THSD7B: variants seen among roughly 807,000 people sequenced by gnomAD.
The protein encoded by THSD7B is thrombospondin type-1 domain-containing protein 7B.
In THSD7B, 138 loss-of-function variants were observed where a neutral mutation model predicts 213.6. The ratio of observed to expected loss-of-function variants is 0.65; its 90% CI spans 0.56 to 0.74. THSD7B has a LOEUF of 0.74. Among genes scored for constraint, THSD7B ranks in the 30% least tolerant of loss-of-function variants. The pLI is 0.00. For missense variants in THSD7B, 1,931 were observed against 1,991.5 expected (o/e 0.97, Z 0.58); for synonymous variants, 742 against 687.0 (o/e 1.08, Z -1.25).
intron 12 of THSD7B, among the ~76,000 whole-genome samples, chr2:137,304,796 A>G (rs537419942): frequency 2.2e-4 from 34 of 152,186 alleles, no homozygotes; most frequent in South Asian, 2.1e-4. Context: ...TTAACAAAAC[A>G]TGATATATAG....
At chr2:137,671,412 GAAGA>G (rs1683574442) in intron 27 of THSD7B, among the ~76,000 whole-genome samples, 2 of 152,062 alleles carry the variant, frequency 1.3e-5, no homozygotes, top group South Asian at 4.1e-4. Flanking sequence ...CTACTATGAA[GAAGA>G]AATAGCCAAG....
intron 20 of THSD7B, among the ~76,000 whole-genome samples, chr2:137,636,915 T>G (rs1682843918): frequency 6.6e-6 from 1 of 152,210 alleles, no homozygotes; most frequent in African/African-American, 2.4e-5. Flanking sequence ...CTCAAACTCT[T>G]GAACTCAAGT....
intron 2 of THSD7B, among the ~76,000 whole-genome samples, chr2:137,025,557 C>T (rs1174637443): frequency 6.6e-6 from 1 of 152,124 alleles, no homozygotes; most frequent in African/African-American, 2.4e-5. Flanking sequence ...TTTGCACACA[C>T]TCAAAGTTGG....
chr2:137,123,555 G>C (rs1688579919), intron 5 of THSD7B, among the ~76,000 whole-genome samples: 1 of 152,102 alleles, frequency 6.6e-6, no homozygotes, highest in Non-Finnish European at 1.5e-5. Context: ...TCCTGGCCTG[G>C]AACCTCCTGA....
At chr2:137,656,619 A>G (rs1276075597) in intron 22 of THSD7B, among the ~76,000 whole-genome samples, 177 bp from the exon 23 acceptor site, 3 of 152,266 alleles carry the variant, frequency 2.0e-5, no homozygotes, top group African/African-American at 7.2e-5. Flanking sequence ...AGATTAAACT[A>G]TAAATTACTT....
At chr2:137,279,983 G>C (rs1024537109) in intron 12 of THSD7B, among the ~76,000 whole-genome samples, 14 of 152,128 alleles carry the variant, frequency 9.2e-5, no homozygotes, top group Non-Finnish European at 1.5e-5. Context: ...GCCGGCTTGA[G>C]GTTACACATT....
At chr2:136,771,085 T>C (rs1417490968) in intron 1 of THSD7B, among the ~76,000 whole-genome samples, 1 of 152,216 alleles carries the variant, frequency 6.6e-6, no homozygotes, top group African/African-American at 2.4e-5. Flanking sequence ...TGGGAGTAGT[T>C]CAACAAGGCT....
In THSD7B at chr2:137,275,933, C is replaced by A; in HGVS notation, c.2407C>A (p.Gln803Lys). The A allele has an allele frequency of 6.2e-7, 1 of 1,610,914 alleles. No individual in the cohort carries two copies. ...TTTTGGTAATCACAGGTGGAAGCCA[C>A]AGAAATGGAGCCCTTGCATCTTAGT... Reference protein sequence around the residue: ...SLCPVYRWKPQKWSPCILVPE... With the variant: ...SLCPVYRWKPKKWSPCILVPE... The change falls in exon 12 of 28, where the codon CAG (glutamine) becomes AAG (lysine). Residue 803 changes from glutamine (Q) to lysine (K), a missense_variant. By Grantham distance (53) the Gln-to-Lys change is moderately conservative. Coordinates refer to ENST00000409968, the MANE Select transcript of THSD7B (RefSeq NM_001316349.2).
At chr2:137,058,162 T>G (rs1379793916) in intron 3 of THSD7B, among the ~76,000 whole-genome samples, 1 of 150,412 alleles carries the variant, frequency 6.6e-6, no homozygotes, top group Admixed American at 6.6e-5. Context: ...CAAAGTAATG[T>G]GATGATTGTT....
At chr2:137,476,578 C>T (rs1043174527) in intron 15 of THSD7B, among the ~76,000 whole-genome samples, 2 of 152,068 alleles carry the variant, frequency 1.3e-5, no homozygotes, top group Non-Finnish European at 1.5e-5. Context: ...AAAAGGGTGT[C>T]CTTTCCCCAG....
chr2:136,938,787 C>G (rs1415541037), intron 2 of THSD7B, among the ~76,000 whole-genome samples: 1 of 152,110 alleles, frequency 6.6e-6, no homozygotes, highest in Non-Finnish European at 1.5e-5. Context: ...GATGATGCCC[C>G]CATTGTGTCC....
At chr2:137,155,725 A>G (rs882374) in intron 5 of THSD7B, among the ~76,000 whole-genome samples, 106,587 of 152,092 alleles carry the variant, frequency 0.7, 37,769 homozygotes, top group Non-Finnish European at 0.76. Context: ...AAAAGACTGG[A>G]GTTTTGCAGT....
chr2:137,097,467 C>A (rs1688060090), intron 4 of THSD7B, among the ~76,000 whole-genome samples: 1 of 152,070 alleles, frequency 6.6e-6, no homozygotes, highest in African/African-American at 2.4e-5. Flanking sequence ...AAGATTCAAG[C>A]ACAAATTTAC....
At chr2:137,334,198 CTCTT>C (rs766130609) in intron 12 of THSD7B, among the ~76,000 whole-genome samples, 30 of 145,982 alleles carry the variant, frequency 2.1e-4, no homozygotes, top group African/African-American at 4.5e-4. Flanking sequence ...CTCTCTCTCT[CTCTT>C]TCTCTCTTTC....
At chr2:137,364,993 C>T (rs1279377053) in intron 12 of THSD7B, among the ~76,000 whole-genome samples, 4 of 152,072 alleles carry the variant, frequency 2.6e-5, no homozygotes, top group East Asian at 1.9e-4. Flanking sequence ...TCAAACTATA[C>T]TACAATGCTA....
At chr2:136,887,030 C>G (rs1028238137) in intron 2 of THSD7B, among the ~76,000 whole-genome samples, 2 of 152,056 alleles carry the variant, frequency 1.3e-5, no homozygotes, top group Non-Finnish European at 2.9e-5. Context: ...GGATAAAATT[C>G]TAATATATTT....
At chr2:137,275,778 A>G (rs1349256266) in intron 11 of THSD7B, 145 bp from the exon 12 acceptor site, 15 of 584,046 alleles carry the variant, frequency 2.6e-5, no homozygotes, top group Non-Finnish European at 8.9e-6. Context: ...AGTGCTTGCC[A>G]AGGCTTGGTT....
intron 20 of THSD7B, among the ~76,000 whole-genome samples, chr2:137,627,696 C>T (rs935131685): frequency 6.6e-6 from 1 of 152,104 alleles, no homozygotes; most frequent in South Asian, 2.1e-4. Context: ...AGCCAGGGTA[C>T]ATATTAGGAA....
In THSD7B at chr2:136,849,261, G is replaced by A. The variant is rs1207132558; in HGVS notation, c.-35-32883G>A. On this transcript the variant is annotated intron_variant, in intron 1 of 27. Transcript: ENST00000409968. ...TGCCATAGCTTTTATATGTTGTTTC[G>A]TTTATTGCTCACTATACTCTGCCAG... Among the ~76,000 whole-genome samples the A allele has an allele frequency of 4.6e-5, 7 of 152,156 alleles. No homozygotes were observed. The South Asian group carries it at 8.3e-4, about 18-fold the overall frequency.
Sources: allele counts gnomAD v4.1 joint callset (sites outside exome capture counted in the v4.1 genomes callset), GRCh38; gene constraint gnomAD v4.1.1; transcripts MANE v1.5; gene names NCBI Gene and HGNC (gene_info 2026-07-23, HGNC 2026-07-21).